The following SYT1 variants were observed in gnomAD, a reference collection of about 807,000 sequenced individuals.
The protein encoded by SYT1 is synaptotagmin-1.
SYT1 carries 8 observed loss-of-function variants against 44.8 expected under a neutral mutation model. The ratio of observed to expected loss-of-function variants is 0.18; its 90% CI spans 0.10 to 0.32. The LOEUF (loss-of-function observed/expected upper bound fraction) is 0.32, where lower values mean the gene tolerates loss of function less well. SYT1 is among the 10% of genes least tolerant of loss of function. The pLI is 1.00. For synonymous variants in SYT1, 154 were observed against 188.8 expected (o/e 0.82, Z 1.51); for missense variants, 286 against 509.3 (o/e 0.56, Z 4.22).
chr12:79,273,895 C>T (rs1391037374), intron 4 of SYT1, among the ~76,000 whole-genome samples: 1 of 152,096 alleles, frequency 6.6e-6, no homozygotes, highest in East Asian at 1.9e-4. Flanking sequence ...ACCATCCTGG[C>T]CAACATGGTG....
chr12:79,423,186 G>A (rs558849977), intron 9 of SYT1, among the ~76,000 whole-genome samples: 36 of 152,128 alleles, frequency 2.4e-4, no homozygotes, highest in African/African-American at 4.8e-4. Context: ...GTGTCTGTGC[G>A]CCCACACATG....
At chr12:79,015,067 G>T (rs1040592052) in intron 2 of SYT1, among the ~76,000 whole-genome samples, 5 of 151,894 alleles carry the variant, frequency 3.3e-5, no homozygotes, top group East Asian at 1.9e-4. Context: ...GTTGTAGGGT[G>T]GGGGGAGAGG....
chr12:79,179,354 CGATATA>C lies in SYT1; in HGVS notation c.-17-38124_-17-38119del, dbSNP rs1555204840. ...TATAGATATATCGATATGTCTATAT[CGATATA>C]GATATAGATATAGATATAGATATAT... On this transcript the variant is annotated intron_variant, in intron 3 of 10. Transcript: ENST00000261205. Among the ~76,000 whole-genome samples, 7 of 61,058 alleles carry C rather than the reference CGATATA, an allele frequency of 1.1e-4. No homozygotes were observed. In the East Asian group the frequency reaches 1.7e-3, roughly 15 times the overall value. 40.1% of individuals were successfully genotyped at this position (61,058 alleles called of 152,430 possible).
chr12:79,157,480 A>T (rs1406362816), intron 3 of SYT1, among the ~76,000 whole-genome samples: 1 of 152,134 alleles, frequency 6.6e-6, no homozygotes, highest in East Asian at 1.9e-4. Context: ...TTTAAATGAA[A>T]CCTAAACATG....
intron 3 of SYT1, among the ~76,000 whole-genome samples, chr12:79,063,509 G>A (rs1811701754): frequency 6.6e-6 from 1 of 152,072 alleles, no homozygotes; most frequent in South Asian, 2.1e-4. Context: ...ATTCCACTGT[G>A]CAGTCTGTCC....
intron 3 of SYT1, among the ~76,000 whole-genome samples, chr12:79,193,112 A>G (rs182211689): frequency 6.6e-6 from 1 of 152,298 alleles, no homozygotes; most frequent in African/African-American, 2.4e-5. Flanking sequence ...GGAAAAACAC[A>G]TAGGATAATT....
chr12:78,941,030 TTTTTC>T (rs1265887348), intron 1 of SYT1, among the ~76,000 whole-genome samples: 3 of 151,298 alleles, frequency 2.0e-5, no homozygotes, highest in Non-Finnish European at 4.4e-5. Context: ...TCTTTTTTTC[TTTTTC>T]TTTTCTTTAC....
chr12:79,024,374 C>G (rs1235301562), intron 2 of SYT1, among the ~76,000 whole-genome samples: 3 of 151,720 alleles, frequency 2.0e-5, no homozygotes, highest in African/African-American at 7.3e-5. Flanking sequence ...TGTGCTGCTT[C>G]AAAAAGTAAA....
intron 9 of SYT1, among the ~76,000 whole-genome samples, chr12:79,385,464 AT>A (rs11315332): frequency 0.55 from 83,521 of 151,840 alleles, 26,081 homozygotes; most frequent in Non-Finnish European, 0.7. Context: ...ATATTCATTG[AT>A]TTTTTTCAAA....
chr12:79,223,452 G>T (rs1300730218), intron 4 of SYT1, among the ~76,000 whole-genome samples: 1 of 152,152 alleles, frequency 6.6e-6, no homozygotes, highest in Non-Finnish European at 1.5e-5. Flanking sequence ...TGAAGCCAGT[G>T]CAGTGCTGCC....
At chr12:79,139,681 C>G (rs1869435697) in intron 3 of SYT1, among the ~76,000 whole-genome samples, 2 of 152,176 alleles carry the variant, frequency 1.3e-5, no homozygotes, top group African/African-American at 4.8e-5. Flanking sequence ...TCTACTAAAA[C>G]CAAATCATAG....
At chr12:79,383,104 G>T (rs1212984067) in intron 9 of SYT1, among the ~76,000 whole-genome samples, 2 of 152,276 alleles carry the variant, frequency 1.3e-5, no homozygotes, top group African/African-American at 2.4e-5. Context: ...TGGGATACAG[G>T]TATGTTTTGA....
At chr12:79,139,882 C>T (rs1869447318) in intron 3 of SYT1, among the ~76,000 whole-genome samples, 1 of 152,196 alleles carries the variant, frequency 6.6e-6, no homozygotes, top group Non-Finnish European at 1.5e-5. Context: ...AAATTGTGCA[C>T]AAAATATATC....
At chr12:79,141,638 T>TA (rs1869562826) in intron 3 of SYT1, among the ~76,000 whole-genome samples, 2 of 152,146 alleles carry the variant, frequency 1.3e-5, no homozygotes, top group African/African-American at 4.8e-5. Context: ...AGGAAAAAGA[T>TA]AAAAAATATC....
At chr12:79,324,991 G>A (rs899205338) in intron 8 of SYT1, among the ~76,000 whole-genome samples, 1 of 152,230 alleles carries the variant, frequency 6.6e-6, no homozygotes, top group African/African-American at 2.4e-5. Flanking sequence ...GTTGGGCTGT[G>A]TTATAAGTAG....
intron 1 of SYT1, among the ~76,000 whole-genome samples, chr12:78,898,814 T>C (rs1368544310): frequency 2.0e-5 from 3 of 152,140 alleles, no homozygotes; most frequent in Non-Finnish European, 4.4e-5. Context: ...GAAATTATAT[T>C]TTTAATATAA....
intron 3 of SYT1, among the ~76,000 whole-genome samples, chr12:79,202,616 C>A (rs935673803): frequency 6.6e-6 from 1 of 152,144 alleles, no homozygotes; most frequent in African/African-American, 2.4e-5. Flanking sequence ...CAATAGGGCA[C>A]CTGCCTTTCA....
At chr12:79,087,914 C>T (rs911074195) in intron 3 of SYT1, among the ~76,000 whole-genome samples, 1 of 152,068 alleles carries the variant, frequency 6.6e-6, no homozygotes, top group Non-Finnish European at 1.5e-5. Flanking sequence ...CCCTGAGATA[C>T]ACAAACTGAT....
At chr12:78,900,879 A>G (rs548138933) in intron 1 of SYT1, among the ~76,000 whole-genome samples, 36 of 152,282 alleles carry the variant, frequency 2.4e-4, no homozygotes, top group African/African-American at 8.7e-4. Flanking sequence ...AATACCATCA[A>G]AATGCATGTA....
Sources: gnomAD v4.1 joint callset for allele counts (sites outside exome capture counted in the v4.1 genomes callset) on GRCh38, gnomAD v4.1.1 for gene constraint, MANE v1.5 for transcripts, NCBI Gene and HGNC (gene_info 2026-07-23, HGNC 2026-07-21) for gene names.